The following DNAAF4 variants were observed in gnomAD, a reference collection of about 807,000 sequenced individuals.
DNAAF4 encodes the protein dynein assembly factor 4, axonemal.
In DNAAF4, 43 loss-of-function variants were observed where a neutral mutation model predicts 51.8. The observed-to-expected ratio is 0.83, with a 90% confidence interval of 0.65 to 1.07. The LOEUF (loss-of-function observed/expected upper bound fraction) is 1.07, where lower values mean the gene tolerates loss of function less well. Among genes scored for constraint, DNAAF4 ranks in the 50% least tolerant of loss-of-function variants. The pLI is 0.00. For missense variants in DNAAF4, 581 were observed against 493.0 expected (o/e 1.18, Z -1.69); for synonymous variants, 194 against 165.6 (o/e 1.17, Z -1.32).
intron 4 of DNAAF4, among the ~76,000 whole-genome samples, chr15:55,479,527 C>T (rs985675580): frequency 1.2e-4 from 18 of 151,902 alleles, no homozygotes; most frequent in East Asian, 7.7e-4. Context: ...TGAAAAAGAA[C>T]GGAATAATAG....
intron 7 of DNAAF4, among the ~76,000 whole-genome samples, chr15:55,435,534 G>A (rs1464561188): frequency 6.6e-6 from 1 of 152,100 alleles, no homozygotes; most frequent in Non-Finnish European, 1.5e-5. Flanking sequence ...AATATGAAAG[G>A]AATAAAAAGG....
At chr15:55,434,021 TATATATA>T (rs2057567629) in intron 8 of DNAAF4, among the ~76,000 whole-genome samples, 2 of 94,256 alleles carry the variant, frequency 2.1e-5, no homozygotes, top group Non-Finnish European at 4.0e-5. Context: ...TATATATTCT[TATATATA>T]ATATATATTA....
At chr15:55,470,074 C>T (rs1280616460) in intron 4 of DNAAF4, among the ~76,000 whole-genome samples, 8 of 149,982 alleles carry the variant, frequency 5.3e-5, no homozygotes, top group African/African-American at 1.7e-4. Context: ...TTTTCTGAGA[C>T]GGAGTCTCAC....
At position 55,491,161 on chromosome 15, in the gene DNAAF4, G is replaced by A. The variant is rs749092579; in HGVS notation, c.367C>T (p.Arg123Trp). 6.8e-6 allele frequency: 11 copies of A among 1,613,834 alleles called. No individual in the cohort carries two copies. Among genetic ancestry groups the A allele is most frequent in the Middle Eastern group, 1.6e-4 (1 of 6,062 alleles). The change falls in exon 4 of 10, where the codon CGG (arginine) becomes TGG (tryptophan). Residue 123 changes from arginine to tryptophan, a missense_variant. Arg to Trp is a moderately radical substitution (Grantham distance 101). Coordinates refer to ENST00000321149, the MANE Select transcript of DNAAF4 (RefSeq NM_130810.4). Reference protein sequence around the residue: ...EATEAKAAAKREDQKYALSVM... With the variant: ...EATEAKAAAKWEDQKYALSVM... ...CTTAGTGCGTATTTTTGATCTTCCC[G>A]CTTTGCTGCAGCTTTTGCTTCTGTA... is the stretch of plus-strand genomic sequence containing the variant.
At chr15:55,488,843 C>T (rs1055590908) in intron 4 of DNAAF4, among the ~76,000 whole-genome samples, 1 of 152,184 alleles carries the variant, frequency 6.6e-6, no homozygotes, top group Admixed American at 6.5e-5. Context: ...AATCCCAGCA[C>T]TTCGGGAAGC....
intron 6 of DNAAF4, among the ~76,000 whole-genome samples, chr15:55,444,818 G>C (rs576908971): frequency 7.2e-5 from 11 of 152,162 alleles, no homozygotes; most frequent in Non-Finnish European, 1.6e-4. Context: ...ATTGTGAATG[G>C]GAGTTCACTC....
chr15:55,470,413 A>T (rs1422319792), intron 4 of DNAAF4, among the ~76,000 whole-genome samples: 1 of 152,172 alleles, frequency 6.6e-6, no homozygotes, highest in Non-Finnish European at 1.5e-5. Flanking sequence ...AGAGATGTCT[A>T]GGGAAAGATA....
intron 4 of DNAAF4, among the ~76,000 whole-genome samples, chr15:55,473,347 GTGTGTA>G (rs2058293251): frequency 1.5e-5 from 2 of 134,620 alleles, no homozygotes; most frequent in African/African-American, 6.4e-5. Context: ...GTATATATAT[GTGTGTA>G]TATATATGTG....
chr15:55,446,301 G>GA (rs1555415283), intron 6 of DNAAF4, among the ~76,000 whole-genome samples: 1 of 66,886 alleles, frequency 1.5e-5, no homozygotes, highest in Non-Finnish European at 2.9e-5. Flanking sequence ...CCAGACGGGG[G>GA]GGGGGGGCAG....
chr15:55,497,696 T>C lies in DNAAF4; in HGVS notation c.271+16A>G. 2.5e-6 allele frequency: 4 copies of C among 1,589,466 alleles called. No homozygotes were observed. Among genetic ancestry groups the C allele is most frequent in the Non-Finnish European group, 3.4e-6 (4 of 1,170,726 alleles). ...AAAGGTACAACCAGATGAACATCTT[T>C]TAATAAAGAACTTACCACCCGTCAC... is the stretch of plus-strand genomic sequence containing the variant. On this transcript the variant is annotated intron_variant, in intron 3 of 9. Coordinates refer to ENST00000321149, the MANE Select transcript of DNAAF4 (RefSeq NM_130810.4).
chr15:55,480,984 G>T (rs147018976), intron 4 of DNAAF4, among the ~76,000 whole-genome samples: 1 of 152,226 alleles, frequency 6.6e-6, no homozygotes, highest in African/African-American at 2.4e-5. Context: ...AGTCTCACAA[G>T]ATCTAATGGT....
intron 6 of DNAAF4, among the ~76,000 whole-genome samples, chr15:55,444,958 G>C (rs931154596): frequency 5.3e-5 from 8 of 151,674 alleles, no homozygotes; most frequent in Non-Finnish European, 1.0e-4. Flanking sequence ...TGAGACGATG[G>C]GGTTTTCTAA....
chr15:55,455,701 G>A (rs1229841601), intron 5 of DNAAF4, among the ~76,000 whole-genome samples: 2 of 151,932 alleles, frequency 1.3e-5, no homozygotes, highest in Non-Finnish European at 2.9e-5. Flanking sequence ...CAAAGTACTG[G>A]GATTATAGGC....
chr15:55,442,573 C>CG, intron 6 of DNAAF4: 1 of 1,112,670 alleles, frequency 9.0e-7, no homozygotes, highest in Non-Finnish European at 1.4e-6. Flanking sequence ...GCAGAGTATT[C>CG]GGGGGACAAC....
chr15:55,433,891 T>G (rs1231810216), intron 8 of DNAAF4, among the ~76,000 whole-genome samples: 1 of 10,026 alleles, frequency 1.0e-4, no homozygotes, highest in African/African-American at 4.1e-4. Flanking sequence ...ATATTATATA[T>G]ATATTATATA....
intron 6 of DNAAF4, among the ~76,000 whole-genome samples, chr15:55,444,444 T>G (rs2057764203): frequency 1.3e-5 from 2 of 152,232 alleles, no homozygotes; most frequent in Admixed American, 1.3e-4. Context: ...TTGGTTACTG[T>G]AGCCTTGTAG....
chr15:55,462,312 C>A (rs1267202583), intron 5 of DNAAF4, among the ~76,000 whole-genome samples: 1 of 151,942 alleles, frequency 6.6e-6, no homozygotes, highest in Non-Finnish European at 1.5e-5. Flanking sequence ...CCTGCCTCAG[C>A]TTCCCGAGTA....
At chr15:55,447,850 C>T (rs143592444) in intron 6 of DNAAF4, among the ~76,000 whole-genome samples, 1 of 45,412 alleles carries the variant, frequency 2.2e-5, no homozygotes, top group Non-Finnish European at 4.3e-5. Flanking sequence ...GGGGAGAGGG[C>T]AGAGGGGAGA....
chr15:55,500,979 T>G (rs1595962701), intron 1 of DNAAF4, among the ~76,000 whole-genome samples: 2 of 104,984 alleles, frequency 1.9e-5, no homozygotes, highest in African/African-American at 4.1e-5. Flanking sequence ...GCAACAAGAG[T>G]GAAACTGAGT....
Sources: allele counts gnomAD v4.1 joint callset (sites outside exome capture counted in the v4.1 genomes callset), GRCh38; gene constraint gnomAD v4.1.1; transcripts MANE v1.5; gene names NCBI Gene and HGNC (gene_info 2026-07-23, HGNC 2026-07-21).